Variants in PRKD1 observed in about 807,000 individuals in gnomAD.
PRKD1 encodes the protein protein kinase D1.
PRKD1 carries 63 observed loss-of-function variants against 95.9 expected under a neutral mutation model. That is an observed-to-expected ratio of 0.66 (90% CI 0.54 to 0.81). PRKD1 has a LOEUF of 0.81. Among genes scored for constraint, PRKD1 ranks in the 30% least tolerant of loss-of-function variants. The pLI, the probability that PRKD1 is intolerant of heterozygous loss-of-function variation, is 0.00. For synonymous variants in PRKD1, 425 were observed against 423.1 expected (o/e 1.00, Z -0.05); for missense variants, 1,048 against 1,165.3 (o/e 0.90, Z 1.47).
intron 1 of PRKD1, among the ~76,000 whole-genome samples, chr14:29,857,789 G>A (rs1892563750): frequency 6.6e-6 from 1 of 152,090 alleles, no homozygotes; most frequent in Non-Finnish European, 1.5e-5. Flanking sequence ...AGTCTAAGGT[G>A]GTGAAAATCT....
At chr14:29,642,919 T>G (rs1282031686) in intron 4 of PRKD1, among the ~76,000 whole-genome samples, 1 of 151,882 alleles carries the variant, frequency 6.6e-6, no homozygotes, top group Non-Finnish European at 1.5e-5. Context: ...ATGATTTTTT[T>G]TTTTTTAATG....
At chr14:29,906,403 G>A (rs561151486) in intron 1 of PRKD1, among the ~76,000 whole-genome samples, 1 of 152,114 alleles carries the variant, frequency 6.6e-6, no homozygotes, top group Non-Finnish European at 1.5e-5. Context: ...ACTGGGCATG[G>A]TGGTATGCTC....
chr14:29,584,530 G>T (rs577323103), intron 16 of PRKD1, among the ~76,000 whole-genome samples: 1 of 151,764 alleles, frequency 6.6e-6, no homozygotes, highest in East Asian at 1.9e-4. Flanking sequence ...ACACAGATTG[G>T]GTATTCATTT....
chr14:29,855,814 G>C (rs1338261066), intron 1 of PRKD1, among the ~76,000 whole-genome samples: 1 of 152,086 alleles, frequency 6.6e-6, no homozygotes, highest in African/African-American at 2.4e-5. Flanking sequence ...TTTTAAAAAT[G>C]GGAGTTTCCC....
intron 1 of PRKD1, among the ~76,000 whole-genome samples, chr14:29,767,447 T>C (rs547771783): frequency 6.6e-6 from 1 of 152,170 alleles, no homozygotes; most frequent in Admixed American, 6.6e-5. Flanking sequence ...TTTGGAGCCA[T>C]GCAAAACATC....
intron 1 of PRKD1, among the ~76,000 whole-genome samples, chr14:29,745,905 C>T (rs113764272): frequency 0.03 from 4,542 of 152,280 alleles, 156 homozygotes; most frequent in Admixed American, 0.09. Flanking sequence ...TAGGTTTGAA[C>T]AGATTATCTC....
intron 1 of PRKD1, among the ~76,000 whole-genome samples, chr14:29,745,009 C>T (rs1887148061): frequency 6.6e-6 from 1 of 152,168 alleles, no homozygotes; most frequent in Admixed American, 6.5e-5. Flanking sequence ...GGCCTTATTA[C>T]TGTTTTTCAA....
At chr14:29,926,715 G>A (rs1442697949) in intron 1 of PRKD1, among the ~76,000 whole-genome samples, 2 of 152,156 alleles carry the variant, frequency 1.3e-5, no homozygotes, top group East Asian at 3.9e-4. Flanking sequence ...ACTAAAAGAT[G>A]ACAAGGCCTT....
intron 16 of PRKD1, among the ~76,000 whole-genome samples, chr14:29,580,702 G>A (rs977242422): frequency 5.9e-5 from 9 of 152,022 alleles, no homozygotes; most frequent in East Asian, 5.8e-4. Flanking sequence ...TCCAAAATGC[G>A]TTTTACTAAA....
At chr14:29,725,501 T>C (rs750680079) in intron 2 of PRKD1, 35 bp downstream of exon 2, 3 of 1,592,650 alleles carry the variant, frequency 1.9e-6, no homozygotes, top group East Asian at 2.2e-5. Flanking sequence ...CAACTTCTAA[T>C]CTACGGATAA....
chr14:29,601,554 C>T (rs1042667704), intron 13 of PRKD1, among the ~76,000 whole-genome samples: 2 of 152,098 alleles, frequency 1.3e-5, no homozygotes, highest in African/African-American at 4.8e-5. Flanking sequence ...TCACCTCCCA[C>T]GTTGCTCTCT....
rs549312278 is a variant in PRKD1 at position 29,581,507 on chromosome 14, A to G, written c.2435-3147T>C. ...GGCCATGTAAGTTGGTCAAAGTCAGACAGCTCCTAGGCAATACAGCTGAAT... is the reference window on the plus strand; with the variant it reads ...GGCCATGTAAGTTGGTCAAAGTCAGGCAGCTCCTAGGCAATACAGCTGAAT... On this transcript the variant is annotated intron_variant, in intron 16 of 17. Transcript: ENST00000331968. Among the ~76,000 whole-genome samples, 4 of 152,272 alleles carry G rather than the reference A, an allele frequency of 2.6e-5. 1 individual carries two copies. In the South Asian group the frequency reaches 8.3e-4, roughly 32 times the overall value.
At chr14:29,653,946 T>A (rs1377013344) in intron 4 of PRKD1, among the ~76,000 whole-genome samples, 3 of 152,170 alleles carry the variant, frequency 2.0e-5, no homozygotes, top group African/African-American at 7.2e-5. Context: ...ATAGATATAT[T>A]TCAAATTAGC....
chr14:29,765,196 A>G (rs1888203865), intron 1 of PRKD1, among the ~76,000 whole-genome samples: 2 of 152,224 alleles, frequency 1.3e-5, no homozygotes, highest in South Asian at 4.1e-4. Context: ...GAAGATAACA[A>G]CAAAGGAGTA....
At chr14:29,627,725 C>T (rs902724116) in intron 11 of PRKD1, among the ~76,000 whole-genome samples, 1 of 151,920 alleles carries the variant, frequency 6.6e-6, no homozygotes, top group Admixed American at 6.6e-5. Flanking sequence ...AATATCAAAT[C>T]CCACCCTCTC....
At chr14:29,628,433 A>G (rs1320909208) in intron 11 of PRKD1, among the ~76,000 whole-genome samples, 1 of 152,188 alleles carries the variant, frequency 6.6e-6, no homozygotes, top group Non-Finnish European at 1.5e-5. Flanking sequence ...AATAAAGCAA[A>G]CATTTGACGG....
intron 7 of PRKD1, 42 bp downstream of exon 7, chr14:29,636,248 T>G (rs1880360854): frequency 1.9e-6 from 3 of 1,608,320 alleles, no homozygotes; most frequent in Non-Finnish European, 2.6e-6. Context: ...AAATACTGCC[T>G]GGGGTTCCCC....
chr14:29,914,928 G>T (rs1029531654), intron 1 of PRKD1, among the ~76,000 whole-genome samples: 1 of 151,980 alleles, frequency 6.6e-6, no homozygotes, highest in African/African-American at 2.4e-5. Context: ...GTTTCACCAT[G>T]TTAGCCAGGA....
chr14:29,589,560 T>C (rs1893053513), intron 16 of PRKD1, among the ~76,000 whole-genome samples: 1 of 152,160 alleles, frequency 6.6e-6, no homozygotes, highest in Admixed American at 6.5e-5. Flanking sequence ...CTCAGTCACA[T>C]TGCAGCAATT....
Sources: allele counts gnomAD v4.1 joint callset (sites outside exome capture counted in the v4.1 genomes callset), GRCh38; gene constraint gnomAD v4.1.1; transcripts MANE v1.5; gene names NCBI Gene and HGNC (gene_info 2026-07-23, HGNC 2026-07-21).